The following PDE4D variants were observed in gnomAD, a reference collection of about 807,000 sequenced individuals.
The protein encoded by PDE4D is 3',5'-cyclic-AMP phosphodiesterase 4D.
Under a neutral mutation model 87.4 loss-of-function variants are expected in PDE4D, and 24 were observed. The ratio of observed to expected loss-of-function variants is 0.27; its 90% CI spans 0.20 to 0.39. The LOEUF is 0.39. PDE4D is among the 10% of genes least tolerant of loss of function. The pLI, the probability that PDE4D is intolerant of heterozygous loss-of-function variation, is 1.00. For synonymous variants in PDE4D, 384 were observed against 383.2 expected, an observed-to-expected ratio of 1.00 and a Z score of -0.02; for missense variants, 714 against 1,041.0, an observed-to-expected ratio of 0.69 and a Z score of 4.32.
rs186298236 is a variant in PDE4D, at chr5:60,513,233, T to C, written n.70+8818A>G. On this transcript the variant is annotated intron_variant and non_coding_transcript_variant, in intron 1 of 2. Transcript: ENST00000506510. ...AGAGACATTTCTTAAATATATAAGA[T>C]TGAAGGTGAAAAGAATAGAAAGAGG... 6.4e-4 allele frequency among the ~76,000 whole-genome samples: 97 copies of C among 152,114 alleles called. 1 individual carries two copies. The highest frequency in any genetic ancestry group is 2.2e-3 in the African/African-American group (92 of 41,522).
chr5:59,625,851 C>T (rs540971434), intron 1 of PDE4D, among the ~76,000 whole-genome samples: 4 of 152,120 alleles, frequency 2.6e-5, no homozygotes, highest in African/African-American at 9.7e-5. Context: ...GAGGCTGAGG[C>T]GGGCGGATCA....
rs79952016 is a variant in PDE4D, at chr5:59,799,389, G to A, written c.455+93779C>T. 1.8e-4 allele frequency among the ~76,000 whole-genome samples: 27 copies of A among 152,304 alleles called. 2 individuals are homozygous for A. In the East Asian group the frequency reaches 2.5e-3, roughly 14 times the overall value. On this transcript the variant is annotated intron_variant, in intron 1 of 14. Coordinates refer to ENST00000340635, the MANE Select transcript of PDE4D (RefSeq NM_001104631.2). The stretch of plus-strand genomic sequence containing the variant: ...GTAAAACCACATGGGAAGAATTCCC[G>A]CAGAACATGAGAAACAGAACTTGAC...
intron 1 of PDE4D, among the ~76,000 whole-genome samples, chr5:60,400,754 A>T (rs1741005717): frequency 6.6e-6 from 1 of 151,474 alleles, no homozygotes; most frequent in Non-Finnish European, 1.5e-5. Flanking sequence ...CAACATGGTG[A>T]AACTCCATCT....
intron 1 of PDE4D, among the ~76,000 whole-genome samples, chr5:59,671,713 T>A (rs1580314899): frequency 6.7e-6 from 1 of 148,564 alleles, no homozygotes; most frequent in African/African-American, 2.5e-5. Context: ...GAGGCTGAGG[T>A]GGGAGGATCA....
At chr5:59,365,321 T>C (rs1269576802) in intron 1 of PDE4D, among the ~76,000 whole-genome samples, 3 of 151,860 alleles carry the variant, frequency 2.0e-5, no homozygotes, top group African/African-American at 7.3e-5. Flanking sequence ...TAGCCAGGCA[T>C]GGTGGTGCAT....
chr5:59,518,193 T>G (rs200822958), intron 1 of PDE4D, among the ~76,000 whole-genome samples: 2 of 149,430 alleles, frequency 1.3e-5, no homozygotes, highest in South Asian at 2.1e-4. Context: ...ACTTGTGTGT[T>G]TGTGTGTGTG....
At chr5:60,082,616 G>A (rs769704478) in intron 2 of PDE4D, among the ~76,000 whole-genome samples, 1 of 152,000 alleles carries the variant, frequency 6.6e-6, no homozygotes, top group Non-Finnish European at 1.5e-5. Context: ...AAAGTTACAG[G>A]CATCATTTGT....
chr5:59,175,187 C>G (rs1238445880), intron 5 of PDE4D, among the ~76,000 whole-genome samples: 1 of 152,184 alleles, frequency 6.6e-6, no homozygotes, highest in East Asian at 1.9e-4. Context: ...TTCCAATGCA[C>G]TCTTTACTTC....
At chr5:59,738,214 C>T (rs1031728715) in intron 1 of PDE4D, among the ~76,000 whole-genome samples, 2 of 152,058 alleles carry the variant, frequency 1.3e-5, no homozygotes, top group Non-Finnish European at 1.5e-5. Flanking sequence ...ACACGCAATG[C>T]TGAGCAACAC....
intron 1 of PDE4D, among the ~76,000 whole-genome samples, chr5:60,267,196 C>T (rs1750306837): frequency 6.6e-6 from 1 of 152,108 alleles, no homozygotes; most frequent in Non-Finnish European, 1.5e-5. Context: ...TATACAACAG[C>T]ATATAAGCAA....
intron 1 of PDE4D, among the ~76,000 whole-genome samples, chr5:60,378,764 A>T (rs2150000526): frequency 6.6e-6 from 1 of 152,224 alleles, no homozygotes; most frequent in East Asian, 1.9e-4. Context: ...GAGGCAGGAG[A>T]ATCACTTGAA....
intron 1 of PDE4D, among the ~76,000 whole-genome samples, chr5:60,434,633 C>T (rs1744620653): frequency 6.6e-6 from 1 of 152,094 alleles, no homozygotes; most frequent in East Asian, 1.9e-4. Context: ...ATTTGTAATT[C>T]AGATATTATG....
chr5:59,041,455 C>CCT (rs1413674973), intron 5 of PDE4D, among the ~76,000 whole-genome samples: 1 of 152,000 alleles, frequency 6.6e-6, no homozygotes, highest in Non-Finnish European at 1.5e-5. Context: ...TTGATATTTT[C>CCT]CTCTCTCTCT....
chr5:59,463,982 T>C (rs1413259909), intron 1 of PDE4D, among the ~76,000 whole-genome samples: 1 of 152,198 alleles, frequency 6.6e-6, no homozygotes, highest in African/African-American at 2.4e-5. Flanking sequence ...TTAAGGGTTG[T>C]GCAAGATGTG....
upstream of PDE4D, among the ~76,000 whole-genome samples, chr5:59,896,781 T>C (rs1253226270): frequency 1.3e-5 from 2 of 152,210 alleles, no homozygotes; most frequent in Non-Finnish European, 2.9e-5. Context: ...AAATATGCAC[T>C]TTATGTATTA....
chr5:59,695,965 A>T (rs990746865), intron 1 of PDE4D, among the ~76,000 whole-genome samples: 1 of 152,226 alleles, frequency 6.6e-6, no homozygotes, highest in East Asian at 1.9e-4. Context: ...AAGTCATTCA[A>T]CTCGACATGT....
At chr5:60,072,600 G>T (rs1772844300) in intron 2 of PDE4D, among the ~76,000 whole-genome samples, 1 of 152,044 alleles carries the variant, frequency 6.6e-6, no homozygotes, top group East Asian at 1.9e-4. Flanking sequence ...GTCTGGAATG[G>T]TATTGCTTAG....
chr5:59,251,722 C>G lies in PDE4D; in HGVS notation c.456-35754G>C, dbSNP rs183926769. ...AATCATTCTACCATAAAGATACAGG[C>G]AAACGAATGTTCATTCCAGCACTAT... On this transcript the variant is annotated intron_variant, in intron 1 of 14. Coordinates refer to ENST00000340635, the MANE Select transcript of PDE4D (RefSeq NM_001104631.2). 9.8e-3 allele frequency among the ~76,000 whole-genome samples: 1,487 copies of G among 152,182 alleles called. 9 individuals carry two copies. The highest frequency in any genetic ancestry group is 0.017 in the Non-Finnish European group (1,153 of 68,018).
chr5:60,495,549 A>G (rs181827814), intron 1 of PDE4D, among the ~76,000 whole-genome samples: 52 of 152,342 alleles, frequency 3.4e-4, no homozygotes, highest in Admixed American at 1.3e-3. Context: ...ACTACTTAAC[A>G]GAAAACCTGG....
Sources: allele counts gnomAD v4.1 joint callset (sites outside exome capture counted in the v4.1 genomes callset), GRCh38; gene constraint gnomAD v4.1.1; transcripts MANE v1.5; gene names NCBI Gene and HGNC (gene_info 2026-07-23, HGNC 2026-07-21).